LIFR: variants seen among roughly 807,000 people sequenced by gnomAD.
The protein encoded by LIFR is LIF receptor subunit alpha, also known as leukemia inhibitory factor receptor.
Under a neutral mutation model 122.2 loss-of-function variants are expected in LIFR, and 84 were observed. The observed-to-expected ratio is 0.69, with a 90% CI of 0.58 to 0.82. LIFR has a LOEUF of 0.82. Among genes scored for constraint, LIFR ranks in the 40% least tolerant of loss-of-function variants. LIFR has a pLI of 0.00. For synonymous variants in LIFR, 422 were observed against 434.7 expected, an observed-to-expected ratio of 0.97 and a Z score of 0.36; for missense variants, 1,294 against 1,311.6, an observed-to-expected ratio of 0.99 and a Z score of 0.21.
rs572954936 is a variant in LIFR at position 38,517,856 on chromosome 5, CAAAAAAAAAAAAA to C, written c.561+5550_561+5562del. ...TGTGCAACAGAGCAAGACACTGTCT[CAAAAAAAAAAAAA>C]AAAAAAAAAAAAGGATGGGCTTTAA... On this transcript the variant is annotated intron_variant, in intron 5 of 19. Coordinates refer to ENST00000453190, the MANE Select transcript of LIFR (RefSeq NM_001127671.2). Among the ~76,000 whole-genome samples, 12 of 15,048 alleles carry C rather than the reference CAAAAAAAAAAAAA, an allele frequency of 8.0e-4. 2 individuals are homozygous for C. The highest frequency in any genetic ancestry group is 2.6e-3 in the Admixed American group (2 of 766). 9.9% of individuals were successfully genotyped at this position (15,048 alleles called of 152,430 possible).
chr5:38,540,799 G>A (rs903536443), intron 1 of LIFR, among the ~76,000 whole-genome samples: 2 of 151,604 alleles, frequency 1.3e-5, no homozygotes, highest in African/African-American at 4.8e-5. Context: ...ACACTATGTG[G>A]GCCAAACAAA....
chr5:38,482,141 T>C lies in LIFR; in HGVS notation c.2748A>G (p.Ala916=). The change falls in exon 20 of 20, where the codon GCA becomes GCG. Residue 916 remains alanine (A), a synonymous_variant. Transcript: ENST00000453190. ...NNVEVLETRS[A]FPKIEDTEII... ...TTTCTGTATCTTCTATTTTAGGAAA[T>C]GCTGATCGAGTTTCCAGAACCTCAA... 1 of 1,585,098 alleles carries C rather than the reference T, an allele frequency of 6.3e-7. No individual in the cohort carries two copies. Among genetic ancestry groups the C allele is most frequent in the Non-Finnish European group, 8.5e-7 (1 of 1,170,796 alleles).
Position 38,496,612 on chromosome 5 carries a change from A to C in LIFR, c.1672-17T>G. ...GGGTAAAGGCTATGAAAAACAGACA[A>C]ATTGTTATAAAACCCTGCAAAACGT... On this transcript the variant is annotated splice_polypyrimidine_tract_variant and intron_variant, in intron 12 of 19. Coordinates refer to ENST00000453190, the MANE Select transcript of LIFR (RefSeq NM_001127671.2). 9 of 1,568,554 alleles carry C rather than the reference A, an allele frequency of 5.7e-6. No individual in the cohort carries two copies. Among genetic ancestry groups the C allele is most frequent in the Non-Finnish European group, 7.0e-6 (8 of 1,138,958 alleles).
chr5:38,501,905 A>T (rs1206201406), intron 11 of LIFR, among the ~76,000 whole-genome samples: 2 of 151,894 alleles, frequency 1.3e-5, no homozygotes, highest in Admixed American at 1.3e-4. Context: ...CAGAAACTGA[A>T]GTTCAAGACC....
intron 14 of LIFR, 112 bp from the exon 15 acceptor site, chr5:38,490,403 T>A: frequency 2.0e-6 from 1 of 511,490 alleles, no homozygotes; most frequent in Non-Finnish European, 3.5e-6. Context: ...ATTTTAAAGA[T>A]GTTTTCTTAT....
upstream of LIFR, chr5:38,556,692 A>T (rs1310521416): frequency 7.0e-6 from 1 of 142,912 alleles, no homozygotes; most frequent in Non-Finnish European, 1.5e-5. Context: ...CTGGGGGCGC[A>T]GCGGGCCCGG....
rs1057326241 is a variant in LIFR at position 38,556,589 on chromosome 5, G to C, written c.-275C>G. ...CCCGCGGGCCGCCGCCGCCGCCAGA[G>C]CCTCCCAGAGGCAACGGTAACGGCC... On this transcript the variant is annotated 5_prime_UTR_variant, in exon 1 of 20. Coordinates refer to ENST00000453190, the MANE Select transcript of LIFR (RefSeq NM_001127671.2). 1.2e-4 allele frequency: 18 copies of C among 149,588 alleles called. No individual in the cohort carries two copies. The highest frequency in any genetic ancestry group is 3.6e-4 in the African/African-American group (15 of 41,236). 9.3% of individuals were successfully genotyped at this position (149,588 alleles called of 1,614,324 possible). A position where few individuals can be genotyped will look rare whatever the true frequency, so the allele number is the denominator to read the frequency against.
chr5:38,562,686 G>T (rs532886933), intron 1 of LIFR, among the ~76,000 whole-genome samples: 1 of 152,300 alleles, frequency 6.6e-6, no homozygotes, highest in African/African-American at 2.4e-5. Context: ...TCCAGCCAGG[G>T]GTGGTGGAGT....
At chr5:38,510,860 T>C (rs1335346503) in intron 6 of LIFR, 142 bp from the exon 7 acceptor site, 17 of 676,240 alleles carry the variant, frequency 2.5e-5, no homozygotes, top group Non-Finnish European at 7.4e-6. Flanking sequence ...TGCTTTGTAA[T>C]GATAATGGTC....
chr5:38,578,207 C>CTTTTTTTTTTTTTTTTTTTT (rs3079294), intron 1 of LIFR, among the ~76,000 whole-genome samples: 21 of 123,448 alleles, frequency 1.7e-4, no homozygotes, highest in East Asian at 4.6e-4. Context: ...TTTTCTTTTT[C>CTTTTTTTTTTTTTTTTTTTT]TTTTTTTTTT....
At chr5:38,542,517 G>C (rs977050923) in intron 1 of LIFR, among the ~76,000 whole-genome samples, 1 of 152,050 alleles carries the variant, frequency 6.6e-6, no homozygotes, top group Non-Finnish European at 1.5e-5. Flanking sequence ...CCGGTCTCAG[G>C]ACTTCTGATC....
chr5:38,496,719 G>A (rs759632675), intron 12 of LIFR, 124 bp from the exon 13 acceptor site: 8 of 743,016 alleles, frequency 1.1e-5, no homozygotes, highest in Middle Eastern at 3.6e-4. Context: ...GGTGACTCAC[G>A]CTTATAATTC....
chr5:38,593,623 A>G (rs2112768794), intron 1 of LIFR, among the ~76,000 whole-genome samples: 1 of 152,326 alleles, frequency 6.6e-6, no homozygotes, highest in Non-Finnish European at 1.5e-5. Flanking sequence ...AGGTAATTGC[A>G]ACAGAATGAA....
intron 4 of LIFR, among the ~76,000 whole-genome samples, chr5:38,526,041 A>G (rs537118573): frequency 6.6e-6 from 1 of 152,336 alleles, no homozygotes; most frequent in Non-Finnish European, 1.5e-5. Flanking sequence ...GATTTTAAAA[A>G]GCCACTGCTC....
intron 17 of LIFR, 140 bp from the exon 18 acceptor site, chr5:38,485,008 A>G: frequency 1.5e-6 from 1 of 655,152 alleles, no homozygotes; most frequent in Non-Finnish European, 2.8e-6. Context: ...CTGAAAAACT[A>G]TTAAAATCAA....
intron 1 of LIFR, among the ~76,000 whole-genome samples, chr5:38,568,325 G>A (rs1258912702): frequency 2.0e-5 from 3 of 152,194 alleles, no homozygotes; most frequent in African/African-American, 7.2e-5. Flanking sequence ...TTTGAGCAGA[G>A]AGGGCTAAAT....
At chr5:38,510,419 C>A in intron 7 of LIFR, 45 bp downstream of exon 7, 1 of 1,595,294 alleles carries the variant, frequency 6.3e-7, no homozygotes. Context: ...CAAGGAAGAC[C>A]AAAACAGGTT....
At chr5:38,506,191 T>C (rs1745469823) in intron 8 of LIFR, 117 bp from the exon 9 acceptor site, 3 of 686,710 alleles carry the variant, frequency 4.4e-6, no homozygotes, top group African/African-American at 3.6e-5. Context: ...ATTAGAAGCA[T>C]ATTACATACT....
intron 12 of LIFR, among the ~76,000 whole-genome samples, chr5:38,498,010 G>A (rs1744977544): frequency 6.6e-6 from 1 of 152,034 alleles, no homozygotes; most frequent in Non-Finnish European, 1.5e-5. Flanking sequence ...AAAAACAAAT[G>A]AACATTCAAA....
Sources: allele counts gnomAD v4.1 joint callset (sites outside exome capture counted in the v4.1 genomes callset), GRCh38; gene constraint gnomAD v4.1.1; transcripts MANE v1.5; gene names NCBI Gene and HGNC (gene_info 2026-07-23, HGNC 2026-07-21).